The following PAK5 variants were observed in gnomAD, a reference collection of about 807,000 sequenced individuals.
PAK5 encodes the protein serine/threonine-protein kinase PAK 5.
Under a neutral mutation model 65.9 loss-of-function variants are expected in PAK5, and 16 were observed. That is an observed-to-expected ratio of 0.24 (90% CI 0.16 to 0.37). The LOEUF is 0.37. Ranked by LOEUF, PAK5 falls within the 10% of genes least tolerant of loss-of-function variation. PAK5 has a pLI of 1.00. For missense variants in PAK5, 785 were observed against 903.9 expected (o/e 0.87, Z 1.69); for synonymous variants, 371 against 354.9 (o/e 1.05, Z -0.51).
At chr20:9,695,310 T>C (rs1390340039) in intron 2 of PAK5, among the ~76,000 whole-genome samples, 2 of 152,106 alleles carry the variant, frequency 1.3e-5, no homozygotes, top group Non-Finnish European at 2.9e-5. Context: ...TCTTCCACTT[T>C]ATGGTTTTCC....
At chr20:9,601,400 C>T (rs1033485671) in intron 3 of PAK5, among the ~76,000 whole-genome samples, 2 of 152,156 alleles carry the variant, frequency 1.3e-5, no homozygotes, top group Non-Finnish European at 2.9e-5. Flanking sequence ...AAGAAAGTTC[C>T]CCTTTATTAA....
intron 3 of PAK5, among the ~76,000 whole-genome samples, chr20:9,581,384 C>G (rs925185161): frequency 6.6e-6 from 1 of 152,060 alleles, no homozygotes; most frequent in African/African-American, 2.4e-5. Flanking sequence ...ATTTTCAAAA[C>G]CAGAAGGCAT....
intron 1 of PAK5, among the ~76,000 whole-genome samples, chr20:9,712,431 A>G (rs552960008): frequency 6.4e-4 from 97 of 152,170 alleles, no homozygotes; most frequent in Non-Finnish European, 1.2e-3. Flanking sequence ...ATTATTTCTT[A>G]TATTCTCTGC....
At chr20:9,541,331 C>T (rs1446982485) in intron 9 of PAK5, among the ~76,000 whole-genome samples, 1 of 152,148 alleles carries the variant, frequency 6.6e-6, no homozygotes, top group Non-Finnish European at 1.5e-5. Flanking sequence ...AATCTGGCAG[C>T]TCCTACAGTG....
intron 2 of PAK5, among the ~76,000 whole-genome samples, chr20:9,683,831 G>A (rs1240222811): frequency 6.6e-6 from 1 of 152,164 alleles, no homozygotes; most frequent in African/African-American, 2.4e-5. Flanking sequence ...CAATCTTCCT[G>A]TCTCAGTCTC....
At position 9,656,177 on chromosome 20, in the gene PAK5, G is replaced by C. The variant is rs1023825920; in HGVS notation, c.-11-11838C>G. On this transcript the variant is annotated intron_variant, in intron 2 of 9. Coordinates refer to ENST00000353224, the MANE Select transcript of PAK5 (RefSeq NM_177990.4). ...ATCAACATTGTTGGAAATCAAAGTT[G>C]GTCTTCCTTAGCAAGCCGTAAGCCC... is the stretch of plus-strand genomic sequence containing the variant. 5.9e-5 allele frequency among the ~76,000 whole-genome samples: 9 copies of C among 152,194 alleles called. No homozygotes were observed. In the Middle Eastern group the frequency reaches 0.01, roughly 173 times the overall value.
intron 3 of PAK5, among the ~76,000 whole-genome samples, chr20:9,610,781 T>C (rs2123143807): frequency 1.3e-5 from 2 of 152,314 alleles, no homozygotes; most frequent in East Asian, 3.9e-4. Flanking sequence ...TCCCTCCACA[T>C]TTCACAGGTT....
chr20:9,638,600 C>T (rs755948219), intron 3 of PAK5, among the ~76,000 whole-genome samples: 1 of 152,188 alleles, frequency 6.6e-6, no homozygotes, highest in Admixed American at 6.5e-5. Flanking sequence ...GGGCCCCATC[C>T]CAGTTCTACT....
At chr20:9,715,613 A>G (rs1362914438) in intron 1 of PAK5, among the ~76,000 whole-genome samples, 3 of 152,048 alleles carry the variant, frequency 2.0e-5, no homozygotes, top group African/African-American at 4.8e-5. Context: ...TTATTGCGGC[A>G]CTATTCACAA....
At chr20:9,721,103 A>G (rs1386004349) in intron 1 of PAK5, among the ~76,000 whole-genome samples, 1 of 152,178 alleles carries the variant, frequency 6.6e-6, no homozygotes. Flanking sequence ...TTGTTTCATA[A>G]ATTTTATCTC....
At chr20:9,555,497 G>A (rs1051220843) in intron 7 of PAK5, among the ~76,000 whole-genome samples, 1 of 152,192 alleles carries the variant, frequency 6.6e-6, no homozygotes, top group African/African-American at 2.4e-5. Flanking sequence ...AGTCTTTCTT[G>A]AAATTGCTCT....
intron 2 of PAK5, among the ~76,000 whole-genome samples, chr20:9,693,550 G>T (rs1247467742): frequency 6.6e-6 from 1 of 151,774 alleles, no homozygotes; most frequent in Admixed American, 6.6e-5. Context: ...AGTAATTACA[G>T]ACATTTCTAA....
intron 7 of PAK5, among the ~76,000 whole-genome samples, chr20:9,556,064 G>T (rs1209063032): frequency 6.6e-6 from 1 of 152,184 alleles, no homozygotes; most frequent in Admixed American, 6.5e-5. Flanking sequence ...ACAAATACTG[G>T]CTCAGAGATA....
At chr20:9,614,991 A>G (rs1292733843) in intron 3 of PAK5, among the ~76,000 whole-genome samples, 4 of 152,246 alleles carry the variant, frequency 2.6e-5, no homozygotes, top group African/African-American at 9.6e-5. Flanking sequence ...GCCACAATGT[A>G]TTAACATATA....
intron 3 of PAK5, among the ~76,000 whole-genome samples, chr20:9,637,603 A>C (rs1268412616): frequency 1.3e-5 from 2 of 152,156 alleles, no homozygotes; most frequent in Non-Finnish European, 2.9e-5. Flanking sequence ...CCCTTAGTAG[A>C]GAAATGGATA....
At chr20:9,627,430 G>A (rs1464793378) in intron 3 of PAK5, among the ~76,000 whole-genome samples, 1 of 152,160 alleles carries the variant, frequency 6.6e-6, no homozygotes, top group African/African-American at 2.4e-5. Flanking sequence ...GGCTGCTAAT[G>A]TCAGATGCTG....
chr20:9,828,633 TA>T (rs1569104526), intron 1 of PAK5, among the ~76,000 whole-genome samples: 1 of 152,162 alleles, frequency 6.6e-6, no homozygotes, highest in Non-Finnish European at 1.5e-5. Flanking sequence ...AACAATTAGC[TA>T]AAAAATCATT....
intron 4 of PAK5, among the ~76,000 whole-genome samples, chr20:9,568,165 C>A (rs1185296853): frequency 2.0e-5 from 3 of 152,112 alleles, no homozygotes; most frequent in African/African-American, 7.2e-5. Flanking sequence ...CTGGGGGTTG[C>A]TAAGCAGACA....
At chr20:9,826,977 T>C (rs1978331891) in intron 1 of PAK5, among the ~76,000 whole-genome samples, 1 of 152,236 alleles carries the variant, frequency 6.6e-6, no homozygotes, top group Non-Finnish European at 1.5e-5. Context: ...GCTTATAGTT[T>C]GCTTCACCAC....
Sources: allele counts gnomAD v4.1 joint callset (sites outside exome capture counted in the v4.1 genomes callset), GRCh38; gene constraint gnomAD v4.1.1; transcripts MANE v1.5; gene names NCBI Gene and HGNC (gene_info 2026-07-23, HGNC 2026-07-21).